VAPB: variants seen among roughly 807,000 people sequenced by gnomAD.
VAPB encodes the protein VAMP associated protein B and C.
In VAPB, 7 loss-of-function variants were observed where a neutral mutation model predicts 25.6. That is an observed-to-expected ratio of 0.27 (90% confidence interval 0.16 to 0.51). VAPB has a LOEUF of 0.51. VAPB is among the 20% of genes least tolerant of loss of function. The pLI is 0.97. For missense variants in VAPB, 266 were observed against 301.3 expected, an observed-to-expected ratio of 0.88 and a Z score of 0.87; for synonymous variants, 112 against 109.2, an observed-to-expected ratio of 1.03 and a Z score of -0.16.
intron 2 of VAPB, 35 bp from the exon 3 acceptor site, chr20:58,434,567 C>G: frequency 9.3e-7 from 1 of 1,077,472 alleles, no homozygotes; most frequent in Non-Finnish European, 1.4e-6. Flanking sequence ...GACAACCAAG[C>G]TCTGACCCTC....
rs181795395 is a variant in VAPB at position 58,397,543 on chromosome 20, A to C, written c.58+8026A>C. ...TCAAAAAAAAAAAAAAACAAAACAC[A>C]TTAACTTGTGGGTAATTTGTCCTTC... On this transcript the variant is annotated intron_variant, in intron 1 of 5. Transcript: ENST00000475243. Among the ~76,000 whole-genome samples the C allele has an allele frequency of 4.7e-3, 713 of 151,520 alleles. 5 individuals are homozygous for C. Among genetic ancestry groups the C allele is most frequent in the Non-Finnish European group, 7.4e-3 (503 of 67,898 alleles).
At chr20:58,435,497 G>A (rs1000114730) in intron 3 of VAPB, among the ~76,000 whole-genome samples, 2 of 152,130 alleles carry the variant, frequency 1.3e-5, no homozygotes, top group African/African-American at 2.4e-5. Context: ...GTTTTGGCCC[G>A]CCCAAAGGGG....
intron 1 of VAPB, among the ~76,000 whole-genome samples, chr20:58,414,804 C>T (rs1195358180): frequency 6.6e-6 from 1 of 152,226 alleles, no homozygotes; most frequent in Non-Finnish European, 1.5e-5. Flanking sequence ...AGAGACGCTC[C>T]CCACTTCCCA....
At chr20:58,439,813 CTG>C (rs1568719511) in intron 4 of VAPB, 2 of 152,260 alleles carry the variant, frequency 1.3e-5, no homozygotes, top group East Asian at 1.9e-4. Context: ...AGAAAGGAGA[CTG>C]TATCTGAAAT....
At chr20:58,440,682 A>G in intron 4 of VAPB, 1 of 458,300 alleles carries the variant, frequency 2.2e-6, no homozygotes, top group Non-Finnish European at 4.0e-6. Flanking sequence ...TATTAGTCTC[A>G]GCCGAACTTC....
chr20:58,409,886 A>G (rs146916460), intron 1 of VAPB, among the ~76,000 whole-genome samples: 3 of 148,058 alleles, frequency 2.0e-5, no homozygotes, highest in Non-Finnish European at 4.5e-5. Context: ...TTTGCACAAC[A>G]AAGAATCTTT....
At chr20:58,400,925 AG>A (rs1988082065) in intron 1 of VAPB, among the ~76,000 whole-genome samples, 1 of 152,220 alleles carries the variant, frequency 6.6e-6, no homozygotes, top group South Asian at 2.1e-4. Context: ...AAAGTCAGGC[AG>A]TGCTTTACTA....
At chr20:58,403,664 C>T (rs1988152974) in intron 1 of VAPB, among the ~76,000 whole-genome samples, 1 of 152,188 alleles carries the variant, frequency 6.6e-6, no homozygotes, top group Non-Finnish European at 1.5e-5. Flanking sequence ...TTTAACAATT[C>T]TCTGTATGTT....
At chr20:58,403,197 G>GT (rs1430514392) in intron 1 of VAPB, among the ~76,000 whole-genome samples, 1 of 152,152 alleles carries the variant, frequency 6.6e-6, no homozygotes, top group Non-Finnish European at 1.5e-5. Flanking sequence ...GGAAACTTAT[G>GT]TTTTTACTTC....
intron 1 of VAPB, among the ~76,000 whole-genome samples, chr20:58,415,998 C>T (rs568683398): frequency 1.3e-5 from 2 of 152,124 alleles, no homozygotes; most frequent in Non-Finnish European, 2.9e-5. Context: ...TTTTTACCCA[C>T]GGGACTTTGT....
At chr20:58,410,575 C>G (rs1448342006) in intron 1 of VAPB, among the ~76,000 whole-genome samples, 1 of 152,100 alleles carries the variant, frequency 6.6e-6, no homozygotes, top group African/African-American at 2.4e-5. Context: ...TGCCCCCACA[C>G]CTAGCCAATT....
intron 1 of VAPB, among the ~76,000 whole-genome samples, chr20:58,414,483 G>C (rs1318128444): frequency 1.3e-5 from 2 of 151,664 alleles, no homozygotes; most frequent in African/African-American, 4.8e-5. Flanking sequence ...CGGTTGCCGG[G>C]CAGAGGGTCT....
At chr20:58,389,679 C>G (rs534982128) in intron 1 of VAPB, among the ~76,000 whole-genome samples, 162 bp downstream of exon 1, 1 of 152,216 alleles carries the variant, frequency 6.6e-6, no homozygotes, top group East Asian at 1.9e-4. Context: ...GCCGCGCTCC[C>G]CAGAACTGCC....
In VAPB at chr20:58,448,289, C is replaced by A. The variant is rs760191448; in HGVS notation, c.*4054C>A. ...GCTCTGAGATCATGCTGGCCCTACGCGAATTGAGTTTCTGTGGCCTAATTG... is the reference window on the plus strand; with the variant it reads ...GCTCTGAGATCATGCTGGCCCTACGAGAATTGAGTTTCTGTGGCCTAATTG... On this transcript the variant is annotated 3_prime_UTR_variant, in exon 6 of 6. Coordinates refer to ENST00000475243, the MANE Select transcript of VAPB (RefSeq NM_004738.5). The A allele has an allele frequency of 2.2e-6, 1 of 453,582 alleles. No homozygotes were observed. Among genetic ancestry groups the A allele is most frequent in the Non-Finnish European group, 4.4e-6 (1 of 226,502 alleles). The allele number at this position is 453,582 out of a possible 1,614,324, so 28.1% of individuals were successfully genotyped here.
Position 58,448,662 on chromosome 20 carries a change from A to C in VAPB, c.*4427A>C. 2.2e-6 allele frequency: 1 copy of C among 453,966 alleles called. No individual in the cohort carries two copies. The highest frequency in any genetic ancestry group is 1.6e-5 in the South Asian group (1 of 64,476). The allele number at this position is 453,966 out of a possible 1,614,324, so 28.1% of individuals were successfully genotyped here. A position where few individuals can be genotyped will look rare whatever the true frequency, so the allele number is the denominator to read the frequency against. On this transcript the variant is annotated 3_prime_UTR_variant, in exon 6 of 6. Coordinates refer to ENST00000475243, the MANE Select transcript of VAPB (RefSeq NM_004738.5). ...CCTCAGCTACTCTGCCCGTCTGTAC[A>C]TCTTTTGTGTCTGCCTCCGTACCTT... is the stretch of plus-strand genomic sequence containing the variant.
chr20:58,429,140 C>CT (rs11478890), intron 2 of VAPB, among the ~76,000 whole-genome samples: 9,369 of 140,282 alleles, frequency 0.067, 378 homozygotes, highest in Non-Finnish European at 0.09. Flanking sequence ...GCTTGTTAGA[C>CT]TTTTTTTTTT....
rs181467634 is a variant in VAPB at position 58,407,030 on chromosome 20, G to A, written c.59-11181G>A. 3.3e-5 allele frequency among the ~76,000 whole-genome samples: 5 copies of A among 152,088 alleles called. No individual in the cohort carries two copies. In the East Asian group the frequency reaches 5.8e-4, roughly 18 times the overall value. ...TTGAAAAAATTCAGTTTATTAAATC[G>A]TCTAAGATCCTTTTAGAACTGATGT... On this transcript the variant is annotated intron_variant, in intron 1 of 5. Transcript: ENST00000475243.
At chr20:58,400,354 A>G (rs1199256164) in intron 1 of VAPB, among the ~76,000 whole-genome samples, 1 of 152,170 alleles carries the variant, frequency 6.6e-6, no homozygotes, top group Non-Finnish European at 1.5e-5. Context: ...ACCAGCTTGT[A>G]TTTCCCACAG....
chr20:58,425,599 G>A (rs1361844934), intron 2 of VAPB, among the ~76,000 whole-genome samples: 1 of 152,164 alleles, frequency 6.6e-6, no homozygotes, highest in Non-Finnish European at 1.5e-5. Context: ...ATAAAGTAAG[G>A]TGCCCACAGT....
Sources: gnomAD v4.1 joint callset for allele counts (sites outside exome capture counted in the v4.1 genomes callset) on GRCh38, gnomAD v4.1.1 for gene constraint, MANE v1.5 for transcripts, NCBI Gene and HGNC (gene_info 2026-07-23, HGNC 2026-07-21) for gene names.